EDEM3: variants seen among roughly 807,000 people sequenced by gnomAD.
EDEM3 encodes ER degradation enhancing alpha-mannosidase like protein 3, also known as ER degradation-enhancing alpha-mannosidase-like protein 3.
In EDEM3, 60 loss-of-function variants were observed where a neutral mutation model predicts 110.2. The ratio of observed to expected loss-of-function variants is 0.54; its 90% CI spans 0.44 to 0.67. The LOEUF (loss-of-function observed/expected upper bound fraction) is 0.67, where lower values mean the gene tolerates loss of function less well. EDEM3 is among the 30% of genes least tolerant of loss of function. The probability of loss-of-function intolerance (pLI) is 0.00; values close to 1 mark genes in which losing one functional copy is unlikely to be tolerated. For synonymous variants in EDEM3, 352 were observed against 382.9 expected (o/e 0.92, Z 0.94); for missense variants, 996 against 1,121.0 (o/e 0.89, Z 1.59).
intron 2 of EDEM3, among the ~76,000 whole-genome samples, chr1:184,739,284 C>T (rs1001096986): frequency 6.8e-6 from 1 of 146,562 alleles, no homozygotes; most frequent in Non-Finnish European, 1.5e-5. Context: ...TAATTAAATT[C>T]ATTTTAATTA....
In EDEM3 at chr1:184,733,080, T is replaced by A. The variant is rs977843124; in HGVS notation, c.459-90A>T. On this transcript the variant is annotated intron_variant, in intron 5 of 19. Transcript: ENST00000318130. ...GGTGTGGGTACTTTGTTATACAATT[T>A]AACATATTTAAGGAAAGACAAAAAT... 10 of 1,374,740 alleles carry A rather than the reference T, an allele frequency of 7.3e-6. No homozygotes were observed. The African/African-American group carries it at 1.3e-4, about 18-fold the overall frequency. The allele number at this position is 1,374,740 out of a possible 1,614,324, so 85.2% of individuals were successfully genotyped here.
Position 184,742,577 on chromosome 1 carries a change from C to T in EDEM3, c.205-4866G>A, listed in dbSNP as rs563944563. On this transcript the variant is annotated intron_variant, in intron 2 of 19. Coordinates refer to ENST00000318130, the MANE Select transcript of EDEM3 (RefSeq NM_025191.4). ...GGCTAATTTTGTCTTTTTGAAGAGA[C>T]GGGGTTTCACCAAGTTGGCCAGGCT... Among the ~76,000 whole-genome samples, 25 of 152,160 alleles carry T rather than the reference C, an allele frequency of 1.6e-4. No homozygotes were observed. The South Asian group carries it at 4.1e-3, about 25-fold the overall frequency.
In EDEM3 at chr1:184,751,396, A is replaced by C. The variant is rs145898529; in HGVS notation, c.159-1804T>G. ...GTAGTGCCTAGACATGTATATTACA[A>C]ATGACATAAGCTTTAACTTGCTAAC... On this transcript the variant is annotated intron_variant, in intron 1 of 19. Transcript: ENST00000318130. Among the ~76,000 whole-genome samples the C allele has an allele frequency of 2.5e-3, 386 of 152,268 alleles. 1 individual carries two copies. Among genetic ancestry groups the C allele is most frequent in the Non-Finnish European group, 3.6e-3 (246 of 68,012 alleles).
intron 18 of EDEM3, among the ~76,000 whole-genome samples, chr1:184,706,087 A>C (rs1187752590): frequency 2.0e-5 from 3 of 152,176 alleles, no homozygotes; most frequent in African/African-American, 7.2e-5. Flanking sequence ...CAATCACCTA[A>C]AATATATTTA....
rs755229935 is a variant in EDEM3, at chr1:184,719,578, CACA to C, written c.952-13_952-11del. ...TTATGGCATCATAGTGCTAAAAGATCACAACATGTGTTCATGAAAGTTAGATGA... is the reference window on the plus strand; with the variant it reads ...TTATGGCATCATAGTGCTAAAAGATCACATGTGTTCATGAAAGTTAGATGA... On this transcript the variant is annotated splice_polypyrimidine_tract_variant and intron_variant, in intron 9 of 19. Coordinates refer to ENST00000318130, the MANE Select transcript of EDEM3 (RefSeq NM_025191.4). 3.1e-6 allele frequency: 5 copies of C among 1,613,106 alleles called. No homozygotes were observed. Among genetic ancestry groups the C allele is most frequent in the Admixed American group, 3.3e-5 (2 of 59,752 alleles).
chr1:184,754,434 C>A, intron 1 of EDEM3, 55 bp downstream of exon 1: 1 of 1,605,818 alleles, frequency 6.2e-7, no homozygotes, highest in Non-Finnish European at 8.5e-7. Flanking sequence ...TGACAGGCAC[C>A]CCTCCTGTTG....
intron 9 of EDEM3, 169 bp downstream of exon 9, chr1:184,721,120 G>A: frequency 1.8e-6 from 1 of 550,518 alleles, no homozygotes; most frequent in Non-Finnish European, 3.2e-6. Context: ...TTTTTGGAAT[G>A]TATATCACTT....
chr1:184,709,434 A>G (rs1650106879), intron 16 of EDEM3, among the ~76,000 whole-genome samples: 1 of 152,232 alleles, frequency 6.6e-6, no homozygotes, highest in African/African-American at 2.4e-5. Flanking sequence ...AACTGTTTAC[A>G]TTGAGTGGTT....
chr1:184,703,316 C>T (rs1649731780), intron 18 of EDEM3, among the ~76,000 whole-genome samples: 1 of 151,926 alleles, frequency 6.6e-6, no homozygotes, highest in Non-Finnish European at 1.5e-5. Flanking sequence ...AAGTAGAATA[C>T]AGAATTCTAT....
At chr1:184,719,297 C>A in intron 10 of EDEM3, 52 bp from the exon 11 acceptor site, 1 of 1,499,226 alleles carries the variant, frequency 6.7e-7, no homozygotes, top group Non-Finnish European at 8.9e-7. Flanking sequence ...CTGATTTTAT[C>A]TCTAATCATT....
Position 184,693,203 on chromosome 1 carries a change from T to C in EDEM3, c.*860A>G, listed in dbSNP as rs1020961668. 6.5e-6 allele frequency: 1 copy of C among 155,020 alleles called. No homozygotes were observed. The highest frequency in any genetic ancestry group is 1.5e-5 in the Non-Finnish European group (1 of 68,246). The allele number at this position is 155,020 out of a possible 1,614,324, so 9.6% of individuals were successfully genotyped here. On this transcript the variant is annotated 3_prime_UTR_variant, in exon 20 of 20. Transcript: ENST00000318130. The stretch of plus-strand genomic sequence containing the variant: ...AGAGAAATGAACTGGAAATGATTTA[T>C]AATCTACCCTACAAGGATATAATGC...
At position 184,737,638 on chromosome 1, in the gene EDEM3, C is replaced by T. The variant is rs199771567; in HGVS notation, c.278G>A (p.Arg93His). Residue 93 changes from arginine to histidine, a missense_variant, in exon 3 of 20, where the codon CGC becomes CAC. Physicochemically the swap from Arg to His is conservative, Grantham distance 29. Coordinates refer to ENST00000318130, the MANE Select transcript of EDEM3 (RefSeq NM_025191.4). ...RGRVRGQEPS[R>H]GDVDDALGKF... ...TCCCAAGGCATCATCAACGTCACCGCGACTTGGCTCTTGGCCTCTAACTCG... is the reference window on the plus strand; with the variant it reads ...TCCCAAGGCATCATCAACGTCACCGTGACTTGGCTCTTGGCCTCTAACTCG... The T allele has an allele frequency of 8.1e-6, 13 of 1,613,976 alleles. No homozygotes were observed. The highest frequency in any genetic ancestry group is 1.7e-5 in the Admixed American group (1 of 60,008).
chr1:184,706,787 T>TA lies in EDEM3; in HGVS notation c.2058_2059insT (p.Ser687Ter). ...TCTGAACAACCATTGGATGGTTTAC[T>TA]GCTTGCAACAAATCCTCTTGTCTGT... On this transcript the variant is annotated frameshift_variant, in exon 18 of 20. Coordinates refer to ENST00000318130, the MANE Select transcript of EDEM3 (RefSeq NM_025191.4). LOFTEE classifies it high-confidence loss of function. 6.2e-7 allele frequency: 1 copy of TA among 1,613,710 alleles called. No homozygotes were observed. The highest frequency in any genetic ancestry group is 8.5e-7 in the Non-Finnish European group (1 of 1,179,796).
At chr1:184,739,531 C>G (rs1372986194) in intron 2 of EDEM3, among the ~76,000 whole-genome samples, 1 of 151,866 alleles carries the variant, frequency 6.6e-6, no homozygotes, top group Non-Finnish European at 1.5e-5. Flanking sequence ...ATATCTTTAG[C>G]AACTGAGCCT....
rs143916181 is a variant in EDEM3 at position 184,730,247 on chromosome 1, C to T, written c.612+2590G>A. Among the ~76,000 whole-genome samples the T allele has an allele frequency of 4.6e-5, 7 of 152,266 alleles. No homozygotes were observed. The East Asian group carries it at 9.6e-4, about 21-fold the overall frequency. On this transcript the variant is annotated intron_variant, in intron 6 of 19. Transcript: ENST00000318130. Reference sequence around the variant, plus strand: ...TTACTTCCTCTTCGAGTAATTTATCCTAAGCAAGAAACTAAAAATGTATAA... The same window carrying T: ...TTACTTCCTCTTCGAGTAATTTATCTTAAGCAAGAAACTAAAAATGTATAA...
At chr1:184,752,114 T>A (rs888161351) in intron 1 of EDEM3, among the ~76,000 whole-genome samples, 2 of 152,242 alleles carry the variant, frequency 1.3e-5, no homozygotes, top group African/African-American at 4.8e-5. Context: ...GATTGTTTTC[T>A]ACTTCATTTT....
intron 18 of EDEM3, among the ~76,000 whole-genome samples, chr1:184,703,853 G>A (rs370393741): frequency 2.6e-5 from 4 of 152,288 alleles, no homozygotes; most frequent in South Asian, 4.1e-4. Context: ...CAGTTAGCAG[G>A]GGGTAATAGT....
chr1:184,707,856 T>C (rs1650015761), intron 17 of EDEM3, among the ~76,000 whole-genome samples: 1 of 152,170 alleles, frequency 6.6e-6, no homozygotes, highest in Admixed American at 6.5e-5. Context: ...TTCTAGTGGC[T>C]CTTAGAAAGT....
intron 2 of EDEM3, among the ~76,000 whole-genome samples, chr1:184,749,169 A>G (rs562198248): frequency 1.3e-5 from 2 of 152,172 alleles, no homozygotes; most frequent in Non-Finnish European, 2.9e-5. Context: ...TCTTTTAAGC[A>G]ATGGTTTTCT....
Sources: gnomAD v4.1 joint callset for allele counts (sites outside exome capture counted in the v4.1 genomes callset) on GRCh38, gnomAD v4.1.1 for gene constraint, MANE v1.5 for transcripts, NCBI Gene and HGNC (gene_info 2026-07-23, HGNC 2026-07-21) for gene names.